The following SDK1 variants were observed in gnomAD, a reference collection of about 807,000 sequenced individuals.
The protein encoded by SDK1 is protein sidekick-1.
Under a neutral mutation model 245.5 loss-of-function variants are expected in SDK1, and 157 were observed. The observed-to-expected ratio is 0.64, with a 90% CI of 0.56 to 0.73. SDK1 has a LOEUF of 0.73. Ranked by LOEUF, SDK1 falls within the 30% of genes least tolerant of loss-of-function variation. The pLI, the probability that SDK1 is intolerant of heterozygous loss-of-function variation, is 0.00. For missense variants in SDK1, 3,583 were observed against 3,002.3 expected (o/e 1.19, Z -4.52); for synonymous variants, 1,647 against 1,278.5 (o/e 1.29, Z -6.15).
chr7:3,377,986 C>T (rs1310963074), intron 1 of SDK1, among the ~76,000 whole-genome samples: 1 of 152,030 alleles, frequency 6.6e-6, no homozygotes, highest in African/African-American at 2.4e-5. Flanking sequence ...ACCATGTTGG[C>T]CAGGCTGGTC....
At chr7:3,834,881 C>T (rs991620107) in intron 5 of SDK1, among the ~76,000 whole-genome samples, 1 of 152,136 alleles carries the variant, frequency 6.6e-6, no homozygotes, top group Non-Finnish European at 1.5e-5. Flanking sequence ...CCCTCTCCGT[C>T]CCTGGCATCT....
chr7:4,246,664 A>T (rs975602482), intron 44 of SDK1, among the ~76,000 whole-genome samples: 2 of 152,130 alleles, frequency 1.3e-5, no homozygotes, highest in Admixed American at 6.5e-5. Flanking sequence ...TGCTCACAGC[A>T]GTTCCAGGTC....
intron 1 of SDK1, among the ~76,000 whole-genome samples, chr7:3,605,315 C>T (rs1781386411): frequency 6.6e-6 from 1 of 152,196 alleles, no homozygotes. Flanking sequence ...AAGGAGAAAG[C>T]ATACGTAGCT....
At chr7:3,498,305 G>A (rs1369665577) in intron 1 of SDK1, among the ~76,000 whole-genome samples, 2 of 152,100 alleles carry the variant, frequency 1.3e-5, no homozygotes, top group Non-Finnish European at 2.9e-5. Flanking sequence ...TAAAACTTAG[G>A]TAGACTTCGG....
intron 38 of SDK1, among the ~76,000 whole-genome samples, chr7:4,210,660 C>T (rs1356207345): frequency 6.6e-6 from 1 of 152,212 alleles, no homozygotes; most frequent in African/African-American, 2.4e-5. Context: ...CAGCGGACAT[C>T]TATGAAGCTC....
intron 4 of SDK1, among the ~76,000 whole-genome samples, chr7:3,722,027 C>G (rs925545954): frequency 3.3e-5 from 5 of 152,030 alleles, no homozygotes; most frequent in African/African-American, 1.2e-4. Flanking sequence ...CAGCCTTGAC[C>G]TCTTGTTTTT....
chr7:3,607,620 A>G (rs1781463082), intron 1 of SDK1, among the ~76,000 whole-genome samples: 1 of 152,236 alleles, frequency 6.6e-6, no homozygotes, highest in Admixed American at 6.5e-5. Context: ...TGAAAGTATG[A>G]ATGCTTTCTT....
chr7:3,514,916 G>A (rs1182015766), intron 1 of SDK1, among the ~76,000 whole-genome samples: 1 of 152,208 alleles, frequency 6.6e-6, no homozygotes, highest in Non-Finnish European at 1.5e-5. Flanking sequence ...ACTCATTTAA[G>A]TGTGACAAGA....
chr7:4,038,614 G>C (rs1034832190), intron 17 of SDK1, among the ~76,000 whole-genome samples: 2 of 152,136 alleles, frequency 1.3e-5, no homozygotes, highest in African/African-American at 4.8e-5. Flanking sequence ...GTGCTTCACT[G>C]GTCCCAAACA....
intron 5 of SDK1, among the ~76,000 whole-genome samples, chr7:3,910,962 T>G (rs1042162669): frequency 2.0e-4 from 31 of 152,180 alleles, no homozygotes; most frequent in African/African-American, 7.0e-4. Context: ...TCAGGCGTGC[T>G]GCTCTGTCTC....
intron 28 of SDK1, among the ~76,000 whole-genome samples, chr7:4,133,752 T>A (rs1785018284): frequency 6.6e-6 from 1 of 152,188 alleles, no homozygotes; most frequent in Admixed American, 6.5e-5. Flanking sequence ...TAAACTGGCC[T>A]GTTAGAGGCA....
At chr7:3,855,575 T>G (rs1780525584) in intron 5 of SDK1, among the ~76,000 whole-genome samples, 1 of 151,906 alleles carries the variant, frequency 6.6e-6, no homozygotes, top group Non-Finnish European at 1.5e-5. Context: ...AAAAAAAAGT[T>G]AATGGACATA....
At chr7:3,343,331 C>A (rs1023960876) in intron 1 of SDK1, among the ~76,000 whole-genome samples, 1 of 152,182 alleles carries the variant, frequency 6.6e-6, no homozygotes, top group East Asian at 1.9e-4. Context: ...TTACTTCTCA[C>A]AATAAAAAGG....
chr7:3,301,905 G>A (rs950138527), intron 1 of SDK1, 21 bp downstream of exon 1: 31 of 1,132,360 alleles, frequency 2.7e-5, no homozygotes, highest in Non-Finnish European at 3.4e-5. Flanking sequence ...GCGGGGTCGC[G>A]GGCCGGGGGC....
chr7:3,712,435 A>C (rs1018114928), intron 4 of SDK1, among the ~76,000 whole-genome samples: 73 of 152,316 alleles, frequency 4.8e-4, no homozygotes, highest in African/African-American at 1.8e-3. Context: ...TGAGTTGTAT[A>C]ACGATTTCAT....
intron 4 of SDK1, among the ~76,000 whole-genome samples, chr7:3,736,679 A>G (rs1779326218): frequency 6.6e-6 from 1 of 152,192 alleles, no homozygotes; most frequent in Non-Finnish European, 1.5e-5. Flanking sequence ...ATATGATTAT[A>G]TATATAAGGT....
At chr7:3,489,007 A>T (rs989783833) in intron 1 of SDK1, among the ~76,000 whole-genome samples, 7 of 151,992 alleles carry the variant, frequency 4.6e-5, no homozygotes, top group African/African-American at 1.7e-4. Context: ...TCCATTCTTA[A>T]ACCAGTCGTT....
At chr7:3,462,375 C>G (rs1174620451) in intron 1 of SDK1, among the ~76,000 whole-genome samples, 4 of 152,192 alleles carry the variant, frequency 2.6e-5, no homozygotes, top group Non-Finnish European at 4.4e-5. Context: ...ATATCATTGT[C>G]TACCTATTAT....
At chr7:3,913,694 C>A (rs980559407) in intron 5 of SDK1, among the ~76,000 whole-genome samples, 1 of 152,086 alleles carries the variant, frequency 6.6e-6, no homozygotes, top group African/African-American at 2.4e-5. Context: ...TCTCCTAAAC[C>A]CCCTTGAGTA....
Sources: gnomAD v4.1 joint callset for allele counts (sites outside exome capture counted in the v4.1 genomes callset) on GRCh38, gnomAD v4.1.1 for gene constraint, MANE v1.5 for transcripts, NCBI Gene and HGNC (gene_info 2026-07-23, HGNC 2026-07-21) for gene names.